The following PKN2 variants were observed in gnomAD, a reference collection of about 807,000 sequenced individuals.
The protein encoded by PKN2 is protein kinase N2.
A neutral mutation model predicts 119.1 loss-of-function variants in PKN2; 38 were observed. That is an observed-to-expected ratio of 0.32 (90% CI 0.25 to 0.42). The LOEUF is 0.42. Among genes scored for constraint, PKN2 ranks in the 10% least tolerant of loss-of-function variants. The pLI is 1.00. For missense variants in PKN2, 850 were observed against 1,165.1 expected (o/e 0.73, Z 3.94); for synonymous variants, 390 against 384.9 (o/e 1.01, Z -0.15).
At chr1:88,724,138 A>T (rs1283426057) in intron 1 of PKN2, among the ~76,000 whole-genome samples, 1 of 152,210 alleles carries the variant, frequency 6.6e-6, no homozygotes, top group African/African-American at 2.4e-5. Context: ...TTTAAGTTAG[A>T]TAACTATTTA....
chr1:88,781,488 T>C (rs1232918670), intron 6 of PKN2, among the ~76,000 whole-genome samples: 1 of 152,068 alleles, frequency 6.6e-6, no homozygotes, highest in East Asian at 1.9e-4. Context: ...TCTAATGCAA[T>C]TCATAGTTAT....
intron 2 of PKN2, among the ~76,000 whole-genome samples, chr1:88,747,558 CCT>C (rs1207045349): frequency 5.3e-5 from 8 of 152,014 alleles, no homozygotes; most frequent in Admixed American, 2.0e-4. Flanking sequence ...GATCCGGTTT[CCT>C]GAATCTTGGT....
At chr1:88,694,586 AG>A (rs1196519199) in intron 1 of PKN2, among the ~76,000 whole-genome samples, 3 of 152,192 alleles carry the variant, frequency 2.0e-5, no homozygotes, top group Non-Finnish European at 4.4e-5. Context: ...ATCCTATGCA[AG>A]TTTTTGTGTG....
At chr1:88,796,167 T>C (rs896332189) in intron 8 of PKN2, among the ~76,000 whole-genome samples, 1 of 152,220 alleles carries the variant, frequency 6.6e-6, no homozygotes, top group Non-Finnish European at 1.5e-5. Context: ...AAATTTTTTT[T>C]CAGATCTTAG....
At chr1:88,785,337 T>C (rs765522703) in intron 7 of PKN2, among the ~76,000 whole-genome samples, 6 of 152,044 alleles carry the variant, frequency 3.9e-5, no homozygotes, top group Non-Finnish European at 5.9e-5. Context: ...TTGCCCAGGA[T>C]GGTCTCGAAC....
intron 1 of PKN2, among the ~76,000 whole-genome samples, chr1:88,704,179 C>T (rs1470926907): frequency 6.6e-6 from 1 of 152,180 alleles, no homozygotes; most frequent in African/African-American, 2.4e-5. Context: ...TCCCTACTTT[C>T]TGTCACTATA....
intron 2 of PKN2, among the ~76,000 whole-genome samples, chr1:88,744,714 C>G (rs980418019): frequency 6.6e-6 from 1 of 152,206 alleles, no homozygotes; most frequent in African/African-American, 2.4e-5. Flanking sequence ...AGCCATCCTG[C>G]CCGGCTAGGG....
rs1316025790 is a variant in PKN2 at position 88,804,357 on chromosome 1, CTGTTT to C, written c.1282-32_1282-28del. Reference sequence around the variant, plus strand: ...AAGTGTGTGTCCAATGATGTCTTTTCTGTTTTCTTTATTATTTTTTTTAATTATCC... The same window carrying C: ...AAGTGTGTGTCCAATGATGTCTTTTCTCTTTATTATTTTTTTTAATTATCC... On this transcript the variant is annotated intron_variant, in intron 8 of 21. Coordinates refer to ENST00000370521, the MANE Select transcript of PKN2 (RefSeq NM_006256.4). 3.3e-6 allele frequency: 5 copies of C among 1,509,608 alleles called. No individual in the cohort carries two copies. In the African/African-American group the frequency reaches 4.2e-5, roughly 13 times the overall value. The allele number at this position is 1,509,608 out of a possible 1,614,324, so 93.5% of individuals were successfully genotyped here. A position where few individuals can be genotyped will look rare whatever the true frequency, so the allele number is the denominator to read the frequency against.
intron 8 of PKN2, among the ~76,000 whole-genome samples, chr1:88,789,547 C>T (rs1670725576): frequency 1.3e-5 from 2 of 151,930 alleles, no homozygotes; most frequent in Admixed American, 1.3e-4. Flanking sequence ...CCTGTAATCC[C>T]AGCTACTTGG....
In PKN2 at chr1:88,741,072, T is replaced by C. The variant is rs1214124088; in HGVS notation, c.133T>C (p.Leu45=). 3.1e-6 allele frequency: 5 copies of C among 1,608,746 alleles called. 1 individual carries two copies. In the Admixed American group the frequency reaches 8.5e-5, roughly 27 times the overall value. The change falls in exon 2 of 22, where the codon TTG becomes CTG. Residue 45 remains leucine (L), a synonymous_variant. Coordinates refer to ENST00000370521, the MANE Select transcript of PKN2 (RefSeq NM_006256.4). ...DFSDTMVQQK[L]DDIKDRIKRE... ...TTCAGATACAATGGTGCAGCAGAAA[T>C]TGGATGATATCAAGGATCGAATTAA...
chr1:88,764,932 G>A (rs979205580), intron 3 of PKN2, among the ~76,000 whole-genome samples: 3 of 151,868 alleles, frequency 2.0e-5, no homozygotes, highest in African/African-American at 7.3e-5. Context: ...GTTTTGTTTT[G>A]TTTTGTTTTT....
chr1:88,738,473 G>T (rs974102026), intron 1 of PKN2, among the ~76,000 whole-genome samples: 2 of 152,224 alleles, frequency 1.3e-5, no homozygotes, highest in African/African-American at 4.8e-5. Context: ...CAAAGGTGAA[G>T]CATGCTTAGT....
At chr1:88,821,872 A>T in intron 16 of PKN2, 69 bp from the exon 17 acceptor site, 1 of 1,211,728 alleles carries the variant, frequency 8.3e-7, no homozygotes, top group Non-Finnish European at 1.1e-6. Context: ...TTTGAAGTAT[A>T]AACATATAAG....
At chr1:88,807,894 T>C (rs2100882109) in intron 15 of PKN2, 119 bp downstream of exon 15, 2 of 618,762 alleles carry the variant, frequency 3.2e-6, no homozygotes, top group East Asian at 2.9e-5. Flanking sequence ...AAATTAAATA[T>C]AATGTATCTA....
rs892779784 is a variant in PKN2 at position 88,713,151 on chromosome 1, C to T, written c.49-27837C>T. Among the ~76,000 whole-genome samples the T allele has an allele frequency of 9.8e-5, 15 of 152,318 alleles. No homozygotes were observed. The East Asian group carries it at 1.3e-3, about 14-fold the overall frequency. ...AGTATTCCATGGTGTATATGTGCCA[C>T]ACTTTCTTAATCCAGTCTATTGTTG... On this transcript the variant is annotated intron_variant, in intron 1 of 21. Coordinates refer to ENST00000370521, the MANE Select transcript of PKN2 (RefSeq NM_006256.4).
At chr1:88,785,545 T>C (rs1352719137) in intron 7 of PKN2, among the ~76,000 whole-genome samples, 1 of 151,990 alleles carries the variant, frequency 6.6e-6, no homozygotes, top group Non-Finnish European at 1.5e-5. Flanking sequence ...TGGGGGATGG[T>C]AGGGGTTGGT....
intron 19 of PKN2, among the ~76,000 whole-genome samples, chr1:88,830,756 A>G (rs1480323457): frequency 3.3e-5 from 5 of 152,116 alleles, no homozygotes; most frequent in Non-Finnish European, 7.4e-5. Context: ...GATAAAAGAC[A>G]GTGGATCTGG....
intron 1 of PKN2, among the ~76,000 whole-genome samples, chr1:88,716,302 A>G (rs932858947): frequency 1.3e-5 from 2 of 152,170 alleles, no homozygotes; most frequent in African/African-American, 4.8e-5. Flanking sequence ...GTAGATGTCT[A>G]TTAGGTCTGC....
At chr1:88,742,971 A>G (rs1055568300) in intron 2 of PKN2, among the ~76,000 whole-genome samples, 2 of 152,168 alleles carry the variant, frequency 1.3e-5, no homozygotes, top group African/African-American at 4.8e-5. Flanking sequence ...CAGGCGGATC[A>G]CTTGAGGCCA....
Sources: gnomAD v4.1 joint callset for allele counts (sites outside exome capture counted in the v4.1 genomes callset) on GRCh38, gnomAD v4.1.1 for gene constraint, MANE v1.5 for transcripts, NCBI Gene and HGNC (gene_info 2026-07-23, HGNC 2026-07-21) for gene names.